The following GALNT13 variants were observed in gnomAD, a reference collection of about 807,000 sequenced individuals.
GALNT13 encodes the protein polypeptide N-acetylgalactosaminyltransferase 13, also known as UDP-GalNAc:polypeptide N-acetylgalactosaminyltransferase 13.
GALNT13 carries 28 observed loss-of-function variants against 64.2 expected under a neutral mutation model. The ratio of observed to expected loss-of-function variants is 0.44; its 90% CI spans 0.32 to 0.60. The LOEUF (loss-of-function observed/expected upper bound fraction) is 0.60, where lower values mean the gene tolerates loss of function less well. Among genes scored for constraint, GALNT13 ranks in the 20% least tolerant of loss-of-function variants. The pLI is 0.05. For synonymous variants in GALNT13, 214 were observed against 224.6 expected (o/e 0.95, Z 0.42); for missense variants, 577 against 669.8 (o/e 0.86, Z 1.53).
intron 3 of GALNT13, among the ~76,000 whole-genome samples, chr2:154,064,168 A>G (rs190117442): frequency 6.6e-6 from 1 of 152,178 alleles, no homozygotes; most frequent in Non-Finnish European, 1.5e-5. Context: ...GCCGACACTG[A>G]TGGAAGGAGC....
the GALNT13 span, among the ~76,000 whole-genome samples, chr2:153,587,449 G>T: frequency 1.3e-5 from 2 of 152,086 alleles, no homozygotes; most frequent in African/African-American, 2.4e-5. Flanking sequence ...AACATGGCTG[G>T]AGCAGCCTCA....
chr2:154,151,867 G>T (rs1220246312), intron 4 of GALNT13, among the ~76,000 whole-genome samples: 1 of 152,082 alleles, frequency 6.6e-6, no homozygotes, highest in Non-Finnish European at 1.5e-5. Flanking sequence ...ACACTGATGG[G>T]TCTTGACTCT....
chr2:153,566,354 T>TTTTG, the GALNT13 span, among the ~76,000 whole-genome samples: 4 of 80,656 alleles, frequency 5.0e-5, no homozygotes, highest in African/African-American at 9.6e-5. Flanking sequence ...TCACGTTTTT[T>TTTTG]TTTTTTTTTT....
At chr2:154,289,042 C>T (rs1692448168) in intron 8 of GALNT13, among the ~76,000 whole-genome samples, 2 of 152,222 alleles carry the variant, frequency 1.3e-5, no homozygotes, top group South Asian at 4.1e-4. Context: ...ATACCTCTAT[C>T]TGGACATTCA....
the GALNT13 span, among the ~76,000 whole-genome samples, chr2:153,237,364 T>C: frequency 6.6e-6 from 1 of 152,064 alleles, no homozygotes; most frequent in Non-Finnish European, 1.5e-5. Context: ...CATCTTTTTG[T>C]TATTTAAAAA....
intron 3 of GALNT13, among the ~76,000 whole-genome samples, chr2:154,050,060 T>G (rs1355448901): frequency 1.3e-5 from 2 of 152,152 alleles, no homozygotes; most frequent in South Asian, 2.1e-4. Context: ...TAAAATTAGA[T>G]TCAATATTTA....
chr2:153,575,551 T>C, the GALNT13 span, among the ~76,000 whole-genome samples: 6 of 152,166 alleles, frequency 3.9e-5, no homozygotes, highest in Non-Finnish European at 7.3e-5. Flanking sequence ...TGGTATTCTA[T>C]TGTAGTGCAG....
chr2:153,868,804 G>T (rs1276308014), upstream of GALNT13, among the ~76,000 whole-genome samples: 2 of 152,024 alleles, frequency 1.3e-5, no homozygotes, highest in African/African-American at 4.8e-5. Context: ...GTACAGTATT[G>T]GTCTTACCAT....
At chr2:153,549,028 G>A in the GALNT13 span, among the ~76,000 whole-genome samples, 1 of 152,238 alleles carries the variant, frequency 6.6e-6, no homozygotes, top group East Asian at 1.9e-4. Context: ...CATAGTATAC[G>A]ACTTAATTTC....
At chr2:153,663,889 C>G in the GALNT13 span, among the ~76,000 whole-genome samples, 1 of 152,074 alleles carries the variant, frequency 6.6e-6, no homozygotes, top group Non-Finnish European at 1.5e-5. Flanking sequence ...AACAGCACAG[C>G]CTCCTTAAAG....
the GALNT13 span, among the ~76,000 whole-genome samples, chr2:153,163,060 A>G: frequency 6.6e-6 from 1 of 152,094 alleles, no homozygotes; most frequent in African/African-American, 2.4e-5. Context: ...AAAACATAAA[A>G]TGTCTTACCA....
chr2:153,841,146 T>G, the GALNT13 span, among the ~76,000 whole-genome samples: 3 of 152,190 alleles, frequency 2.0e-5, no homozygotes, highest in African/African-American at 7.2e-5. Flanking sequence ...TCCATTACTC[T>G]TAATTTTTAG....
At chr2:153,227,578 T>G in the GALNT13 span, among the ~76,000 whole-genome samples, 7 of 152,306 alleles carry the variant, frequency 4.6e-5, no homozygotes, top group Admixed American at 4.6e-4. Context: ...TTTTAAAAAT[T>G]TTCTCGAATT....
chr2:154,177,045 G>C (rs1472061185), intron 4 of GALNT13, among the ~76,000 whole-genome samples: 1 of 152,172 alleles, frequency 6.6e-6, no homozygotes, highest in Non-Finnish European at 1.5e-5. Flanking sequence ...TAAGGAATCA[G>C]TCTTTTAAGA....
the GALNT13 span, among the ~76,000 whole-genome samples, chr2:153,363,452 T>C: frequency 5.6e-4 from 86 of 152,240 alleles, no homozygotes; most frequent in East Asian, 0.01. Flanking sequence ...AGGAGCTGGT[T>C]TTTTGAAAAA....
the GALNT13 span, among the ~76,000 whole-genome samples, chr2:153,645,298 TAACA>T: frequency 2.6e-5 from 4 of 152,160 alleles, no homozygotes; most frequent in Non-Finnish European, 5.9e-5. Context: ...AATATGCCTT[TAACA>T]AACAGCATTT....
At chr2:153,480,156 AAAAAT>A in the GALNT13 span, among the ~76,000 whole-genome samples, 6 of 152,290 alleles carry the variant, frequency 3.9e-5, no homozygotes, top group East Asian at 1.9e-4. Flanking sequence ...GTTGTCAATT[AAAAAT>A]AAAATAAAAC....
At chr2:153,642,383 C>T in the GALNT13 span, among the ~76,000 whole-genome samples, 4 of 151,448 alleles carry the variant, frequency 2.6e-5, no homozygotes, top group East Asian at 1.9e-4. Flanking sequence ...TATATAAGAA[C>T]ATGGAAAAAT....
chr2:153,823,663 A>G, the GALNT13 span, among the ~76,000 whole-genome samples: 16 of 152,224 alleles, frequency 1.1e-4, no homozygotes, highest in Non-Finnish European at 4.4e-5. Flanking sequence ...CACTGTAAAA[A>G]CATTTTGAGA....
Sources: gnomAD v4.1 joint callset for allele counts (sites outside exome capture counted in the v4.1 genomes callset) on GRCh38, gnomAD v4.1.1 for gene constraint, MANE v1.5 for transcripts, NCBI Gene and HGNC (gene_info 2026-07-23, HGNC 2026-07-21) for gene names.